TMEM117: variants seen among roughly 807,000 people sequenced by gnomAD.
The protein encoded by TMEM117 is transmembrane protein 117.
TMEM117 carries 27 observed loss-of-function variants against 52.4 expected under a neutral mutation model. That is an observed-to-expected ratio of 0.51 (90% confidence interval 0.38 to 0.71). TMEM117 has a LOEUF of 0.71. Among genes scored for constraint, TMEM117 ranks in the 30% least tolerant of loss-of-function variants. The probability of loss-of-function intolerance (pLI) is 0.00; values close to 1 mark genes in which losing one functional copy is unlikely to be tolerated. For synonymous variants in TMEM117, 215 were observed against 206.3 expected (o/e 1.04, Z -0.36); for missense variants, 556 against 630.5 (o/e 0.88, Z 1.26).
At chr12:44,265,083 T>C (rs1277862610) in intron 5 of TMEM117, among the ~76,000 whole-genome samples, 1 of 152,098 alleles carries the variant, frequency 6.6e-6, no homozygotes, top group Non-Finnish European at 1.5e-5. Context: ...AGTAAAATAC[T>C]ATGACAAAAA....
At chr12:44,116,547 G>T (rs1183282717) in intron 3 of TMEM117, among the ~76,000 whole-genome samples, 2 of 152,074 alleles carry the variant, frequency 1.3e-5, no homozygotes, top group African/African-American at 4.8e-5. Context: ...GAATATTCTT[G>T]TATCTTTCTC....
At chr12:43,825,649 T>C in the TMEM117 span, among the ~76,000 whole-genome samples, 7 of 152,272 alleles carry the variant, frequency 4.6e-5, no homozygotes, top group South Asian at 1.4e-3. Context: ...TATTATACTA[T>C]TCAAATATAG....
At chr12:44,094,250 A>G (rs1279058971) in intron 3 of TMEM117, among the ~76,000 whole-genome samples, 2 of 152,172 alleles carry the variant, frequency 1.3e-5, no homozygotes, top group African/African-American at 4.8e-5. Flanking sequence ...ATAGTAAGTC[A>G]TGGGCTTCTG....
chr12:43,900,297 T>C (rs1294327504), intron 2 of TMEM117, among the ~76,000 whole-genome samples: 2 of 152,100 alleles, frequency 1.3e-5, no homozygotes, highest in African/African-American at 4.8e-5. Flanking sequence ...TACCCAGAGG[T>C]AGTTTAGGAA....
intron 2 of TMEM117, among the ~76,000 whole-genome samples, chr12:43,888,362 C>T (rs1197454320): frequency 6.6e-6 from 1 of 151,996 alleles, no homozygotes; most frequent in Non-Finnish European, 1.5e-5. Flanking sequence ...ATATGCCATC[C>T]ATTAGCCATA....
rs572784931 is a variant in TMEM117, at chr12:43,988,712, A to G, written c.410+44370A>G. Among the ~76,000 whole-genome samples, 7 of 152,200 alleles carry G rather than the reference A, an allele frequency of 4.6e-5. No individual in the cohort carries two copies. In the South Asian group the frequency reaches 1.5e-3, roughly 32 times the overall value. On this transcript the variant is annotated intron_variant, in intron 3 of 7. Coordinates refer to ENST00000266534, the MANE Select transcript of TMEM117 (RefSeq NM_032256.3). Reference sequence around the variant, plus strand: ...AAAGCCTCTGATTTCACCACGCTGCACTGTATCCATGGAACAAAATTAATG... The same window carrying G: ...AAAGCCTCTGATTTCACCACGCTGCGCTGTATCCATGGAACAAAATTAATG...
upstream of TMEM117, among the ~76,000 whole-genome samples, chr12:43,833,705 C>T (rs528629470): frequency 2.0e-5 from 3 of 152,048 alleles, no homozygotes; most frequent in African/African-American, 7.2e-5. Context: ...AGCAGGATTG[C>T]TTGAGCCCAG....
intron 4 of TMEM117, among the ~76,000 whole-genome samples, chr12:44,195,856 C>G (rs1949411753): frequency 6.6e-6 from 1 of 151,182 alleles, no homozygotes; most frequent in South Asian, 2.1e-4. Flanking sequence ...GAGTTTGAGA[C>G]CAGCATGTGC....
intron 3 of TMEM117, among the ~76,000 whole-genome samples, chr12:44,089,306 G>A (rs1052639371): frequency 6.6e-6 from 1 of 152,102 alleles, no homozygotes; most frequent in Admixed American, 6.5e-5. Context: ...TACAAAAATG[G>A]TAATATCTTC....
At chr12:44,114,072 A>C (rs1250214351) in intron 3 of TMEM117, among the ~76,000 whole-genome samples, 1 of 147,682 alleles carries the variant, frequency 6.8e-6, no homozygotes, top group African/African-American at 2.6e-5. Flanking sequence ...CGGCTCGCGC[A>C]CGGTGCGCAC....
intron 3 of TMEM117, among the ~76,000 whole-genome samples, chr12:44,079,672 G>A (rs1176872257): frequency 6.6e-6 from 1 of 151,914 alleles, no homozygotes; most frequent in Non-Finnish European, 1.5e-5. Flanking sequence ...GAGACTAAGG[G>A]GAAGCAAACC....
intron 2 of TMEM117, among the ~76,000 whole-genome samples, chr12:43,940,166 T>A (rs1181851415): frequency 6.6e-6 from 1 of 152,210 alleles, no homozygotes; most frequent in Non-Finnish European, 1.5e-5. Flanking sequence ...CTCTGCCACC[T>A]TGGAGACCTA....
intron 2 of TMEM117, among the ~76,000 whole-genome samples, chr12:43,854,618 A>C (rs186963608): frequency 7.2e-5 from 11 of 152,056 alleles, no homozygotes; most frequent in Admixed American, 4.6e-4. Flanking sequence ...CACTTTTTAA[A>C]AAATTTTATT....
At chr12:43,969,269 C>T (rs1030558065) in intron 3 of TMEM117, among the ~76,000 whole-genome samples, 1 of 149,640 alleles carries the variant, frequency 6.7e-6, no homozygotes, top group African/African-American at 2.5e-5. Flanking sequence ...GCCTGTAATC[C>T]CAGCACTTCG....
intron 4 of TMEM117, among the ~76,000 whole-genome samples, chr12:44,174,156 A>C (rs1230759295): frequency 6.6e-6 from 1 of 152,206 alleles, no homozygotes; most frequent in Non-Finnish European, 1.5e-5. Context: ...ATTATAGAAC[A>C]TACTTTGTGA....
chr12:43,958,593 A>C (rs1028502758), intron 3 of TMEM117, among the ~76,000 whole-genome samples: 1 of 152,172 alleles, frequency 6.6e-6, no homozygotes, highest in South Asian at 2.1e-4. Context: ...TGGTGACTGT[A>C]ATGAGAATGG....
chr12:44,108,173 A>G (rs1947994964), intron 3 of TMEM117, among the ~76,000 whole-genome samples: 1 of 152,094 alleles, frequency 6.6e-6, no homozygotes, highest in African/African-American at 2.4e-5. Context: ...TACCTGTTCC[A>G]CTAATCACTT....
intron 3 of TMEM117, among the ~76,000 whole-genome samples, chr12:44,086,019 C>A (rs77816484): frequency 1.4e-3 from 219 of 152,226 alleles, no homozygotes; most frequent in Non-Finnish European, 2.8e-3. Flanking sequence ...TTTAAGTATT[C>A]TCCTTTACCA....
At chr12:44,079,227 C>T (rs1040090040) in intron 3 of TMEM117, among the ~76,000 whole-genome samples, 9 of 152,058 alleles carry the variant, frequency 5.9e-5, no homozygotes, top group Non-Finnish European at 8.8e-5. Flanking sequence ...GGTATATACC[C>T]GGTAATGGGA....
Sources: allele counts gnomAD v4.1 joint callset (sites outside exome capture counted in the v4.1 genomes callset), GRCh38; gene constraint gnomAD v4.1.1; transcripts MANE v1.5; gene names NCBI Gene and HGNC (gene_info 2026-07-23, HGNC 2026-07-21).